WSCD2: variants seen among roughly 807,000 people sequenced by gnomAD.
The protein encoded by WSCD2 is WSC domain sialate O sulfotransferase 2, also known as sialate:O-sulfotransferase 2.
WSCD2 carries 28 observed loss-of-function variants against 55.7 expected under a neutral mutation model. The observed-to-expected ratio is 0.50, with a 90% CI of 0.37 to 0.69. The LOEUF (loss-of-function observed/expected upper bound fraction) is 0.69. WSCD2 is among the 30% of genes least tolerant of loss of function. The pLI is 0.00. For synonymous variants in WSCD2, 301 were observed against 301.9 expected (o/e 1.00, Z 0.03); for missense variants, 616 against 762.1 (o/e 0.81, Z 2.26).
At position 108,186,746 on chromosome 12, in the gene WSCD2, G is replaced by A. The variant is rs551895789; in HGVS notation, c.-551-8536G>A. The stretch of plus-strand genomic sequence containing the variant: ...TTCCCATGAGCATGATTGCTGGATC[G>A]TATGGTAAGAGTATGTTTTGTTTTA... On this transcript the variant is annotated intron_variant, in intron 1 of 8. Coordinates refer to ENST00000547525, the MANE Select transcript of WSCD2 (RefSeq NM_014653.4). Among the ~76,000 whole-genome samples the A allele has an allele frequency of 3.6e-4, 55 of 152,262 alleles. 2 individuals are homozygous for A. In the South Asian group the frequency reaches 9.8e-3, roughly 27 times the overall value.
chr12:108,166,790 T>TTTCTTTCTTTC (rs1211528080), intron 1 of WSCD2, among the ~76,000 whole-genome samples: 3 of 147,796 alleles, frequency 2.0e-5, no homozygotes, highest in East Asian at 2.0e-4. Flanking sequence ...TCTTTCTTTC[T>TTTCTTTCTTTC]GTCTTTCTTT....
rs1048261669 is a variant in WSCD2 at position 108,224,824 on chromosome 12, G to A, written c.768G>A (p.Met256Ile). 4 of 1,613,628 alleles carry A rather than the reference G, an allele frequency of 2.5e-6. No homozygotes were observed. The highest frequency in any genetic ancestry group is 2.7e-5 in the African/African-American group (2 of 74,952). The change falls in exon 5 of 9, where the codon ATG becomes ATA. Residue 256 changes from methionine (M) to isoleucine (I), a missense_variant. Physicochemically the swap from Met to Ile is conservative, Grantham distance 10. Around this residue, in one of 3 missense-constraint regions of WSCD2, gnomAD observed 374 missense variants for 467.4 expected, o/e 0.80. Coordinates refer to ENST00000547525, the MANE Select transcript of WSCD2 (RefSeq NM_014653.4). ...ALPVTAAMLN[M>I]SVDKCVDFCT... ...CCGTGACAGCTGCCATGCTGAACAT[G>A]TCTGTGGACAAATGCGTGGACTTCT...
At chr12:108,182,863 C>T (rs940265527) in intron 1 of WSCD2, among the ~76,000 whole-genome samples, 1 of 151,706 alleles carries the variant, frequency 6.6e-6, no homozygotes, top group African/African-American at 2.4e-5. Flanking sequence ...TTGCACAGAA[C>T]GGACCCTAGT....
At position 108,240,420 on chromosome 12, in the gene WSCD2, G is replaced by C; in HGVS notation, c.1221G>C (p.Glu407Asp). Residue 407 changes from glutamate (E) to aspartate (D), a missense_variant, in exon 8 of 9, where the codon GAG (glutamate) becomes GAC (aspartate). Around this residue, in one of 3 missense-constraint regions of WSCD2, gnomAD observed 234 missense variants for 264.6 expected, o/e 0.88. Coordinates refer to ENST00000547525, the MANE Select transcript of WSCD2 (RefSeq NM_014653.4). ...AGACGCACGAAAGCGGCCAGAAAGAGATCGAGGCCTTCGACGCCGCCATCC... is the reference window on the plus strand; with the variant it reads ...AGACGCACGAAAGCGGCCAGAAAGACATCGAGGCCTTCGACGCCGCCATCC... ...CIKTHESGQK[E>D]IEAFDAAILL... 6.2e-7 allele frequency: 1 copy of C among 1,614,178 alleles called. No homozygotes were observed. Among genetic ancestry groups the C allele is most frequent in the Non-Finnish European group, 8.5e-7 (1 of 1,180,042 alleles).
intron 1 of WSCD2, among the ~76,000 whole-genome samples, chr12:108,186,157 G>T (rs2137016189): frequency 6.6e-6 from 1 of 152,072 alleles, no homozygotes; most frequent in East Asian, 1.9e-4. Flanking sequence ...TACCTCAGTG[G>T]GTCTCTGCCT....
chr12:108,240,659 G>A, intron 8 of WSCD2, 115 bp downstream of exon 8: 1 of 1,246,358 alleles, frequency 8.0e-7, no homozygotes. Flanking sequence ...CCTCATGCGA[G>A]GAACCCTGGA....
intron 8 of WSCD2, among the ~76,000 whole-genome samples, chr12:108,247,501 G>A (rs747213278): frequency 6.6e-6 from 1 of 152,122 alleles, no homozygotes; most frequent in African/African-American, 2.4e-5. Flanking sequence ...GCATTGAGGT[G>A]AGAAGTATCG....
Position 108,197,356 on chromosome 12 carries a change from C to T in WSCD2, c.382+1142C>T, listed in dbSNP as rs80311456. 9.0e-3 allele frequency among the ~76,000 whole-genome samples: 1,371 copies of T among 152,172 alleles called. 32 individuals are homozygous for T. The highest frequency in any genetic ancestry group is 0.031 in the African/African-American group (1,299 of 41,482). On this transcript the variant is annotated intron_variant, in intron 2 of 8. Coordinates refer to ENST00000547525, the MANE Select transcript of WSCD2 (RefSeq NM_014653.4). ...CATCTAGAAGACTCTATCTTTCTGC[C>T]CTCAGGAATTTCCTAGACTTCTGCC...
chr12:108,142,700 G>A (rs1022485258), intron 1 of WSCD2, among the ~76,000 whole-genome samples: 16 of 152,170 alleles, frequency 1.1e-4, no homozygotes, highest in Non-Finnish European at 1.6e-4. Flanking sequence ...TATAAAACTA[G>A]CAACCTAGCT....
chr12:108,206,514 G>A (rs1885396074), intron 3 of WSCD2, 111 bp downstream of exon 3: 2 of 1,050,310 alleles, frequency 1.9e-6, no homozygotes, highest in South Asian at 1.4e-5. Flanking sequence ...GTGAGCACGT[G>A]ACCACAGGAA....
chr12:108,248,501 G>C lies in WSCD2; in HGVS notation c.*158G>C, dbSNP rs1365900717. The C allele has an allele frequency of 7.0e-7, 1 of 1,427,310 alleles. No homozygotes were observed. The highest frequency in any genetic ancestry group is 9.1e-7 in the Non-Finnish European group (1 of 1,094,628). The allele number at this position is 1,427,310 out of a possible 1,614,324, so 88.4% of individuals were successfully genotyped here. On this transcript the variant is annotated 3_prime_UTR_variant, in exon 9 of 9. Coordinates refer to ENST00000547525, the MANE Select transcript of WSCD2 (RefSeq NM_014653.4). The surrounding 1 kb of genome is among the most constrained non-coding windows in gnomAD (Gnocchi z 4.3). ...TCAATGAGTTTCCTGCATGACAGAG[G>C]AGGCTCAAGGGAAGAGATTGCCCAG...
chr12:108,204,497 G>A (rs3794260), intron 2 of WSCD2, among the ~76,000 whole-genome samples: 2,594 of 152,214 alleles, frequency 0.017, 97 homozygotes, highest in East Asian at 0.15. Context: ...CCTTGCCCAC[G>A]TGGCCACAAA....
chr12:108,152,163 C>T (rs1878074830), intron 1 of WSCD2, among the ~76,000 whole-genome samples: 1 of 152,250 alleles, frequency 6.6e-6, no homozygotes, highest in Admixed American at 6.5e-5. Context: ...CAAAACCCAG[C>T]AAAACTGCCC....
intron 2 of WSCD2, 198 bp downstream of exon 2, chr12:108,196,412 C>A: frequency 1.2e-6 from 1 of 830,504 alleles, no homozygotes; most frequent in Non-Finnish European, 1.8e-6. Context: ...GCGGCTTGCC[C>A]AAGGTCACAC....
intron 1 of WSCD2, among the ~76,000 whole-genome samples, chr12:108,170,389 G>T (rs1880112162): frequency 6.7e-6 from 1 of 150,264 alleles, no homozygotes; most frequent in Admixed American, 6.6e-5. Context: ...GATGATGATG[G>T]TGATGATGTA....
intron 1 of WSCD2, among the ~76,000 whole-genome samples, chr12:108,175,941 G>A (rs1880799554): frequency 1.3e-5 from 2 of 152,104 alleles, no homozygotes; most frequent in African/African-American, 2.4e-5. Context: ...CTGGGTTCAT[G>A]CCATTCTCCT....
chr12:108,248,169 C>T lies in WSCD2; in HGVS notation c.1524C>T (p.Leu508=), dbSNP rs1257660319. The change falls in exon 9 of 9, where the codon CTC becomes CTT. Residue 508 remains leucine (L), a synonymous_variant. Transcript: ENST00000547525. The surrounding 1 kb of genome is among the most constrained non-coding windows in gnomAD (Gnocchi z 4.3). The part of the protein sequence containing the change: ...LGVAVREDRL[L]CVESQKDGNF... ...TGGCTGTCAGGGAGGACCGGCTGCTCTGTGTGGAGAGCCAGAAGGATGGCA... is the reference window on the plus strand; with the variant it reads ...TGGCTGTCAGGGAGGACCGGCTGCTTTGTGTGGAGAGCCAGAAGGATGGCA... 2 of 1,614,088 alleles carry T rather than the reference C, an allele frequency of 1.2e-6. No individual in the cohort carries two copies. The highest frequency in any genetic ancestry group is 1.1e-5 in the South Asian group (1 of 91,086).
intron 1 of WSCD2, chr12:108,189,593 G>A (rs1882913840): frequency 1.3e-5 from 2 of 152,198 alleles, no homozygotes; most frequent in Admixed American, 6.5e-5. Flanking sequence ...AAAAAGGAAA[G>A]GACTGACAAC....
chr12:108,197,000 T>C (rs1229125752), intron 2 of WSCD2: 1 of 152,180 alleles, frequency 6.6e-6, no homozygotes, highest in East Asian at 1.9e-4. Flanking sequence ...TTAAATCTGA[T>C]TCATCTGGCC....
Sources: gnomAD v4.1 joint callset for allele counts (sites outside exome capture counted in the v4.1 genomes callset) on GRCh38, gnomAD v4.1.1 for gene constraint, gnomAD v4.1.1 regional missense constraint, Gnocchi (gnomAD v3.1) non-coding constraint, MANE v1.5 for transcripts, NCBI Gene and HGNC (gene_info 2026-07-23, HGNC 2026-07-21) for gene names.